Variants in FGF14 observed in about 807,000 individuals in gnomAD.
FGF14 encodes the protein fibroblast growth factor 14.
A neutral mutation model predicts 25.5 loss-of-function variants in FGF14; 5 were observed. The observed-to-expected ratio is 0.20, with a 90% confidence interval of 0.10 to 0.41. FGF14 has a LOEUF of 0.41. FGF14 is among the 10% of genes least tolerant of loss of function. The pLI, the probability that FGF14 is intolerant of heterozygous loss-of-function variation, is 1.00. For synonymous variants in FGF14, 138 were observed against 118.3 expected (o/e 1.17, Z -1.08); for missense variants, 222 against 320.1 (o/e 0.69, Z 2.34).
intron 1 of FGF14, among the ~76,000 whole-genome samples, chr13:102,193,645 T>C (rs746273929): frequency 6.6e-6 from 1 of 152,166 alleles, no homozygotes; most frequent in Non-Finnish European, 1.5e-5. Flanking sequence ...ACTAAGGAAA[T>C]GCATGTCTAG....
intron 3 of FGF14, among the ~76,000 whole-genome samples, chr13:101,839,868 G>A (rs1418690076): frequency 1.3e-5 from 2 of 152,056 alleles, no homozygotes; most frequent in Non-Finnish European, 2.9e-5. Context: ...TTCACTCCAA[G>A]GATCTTTCTG....
chr13:101,934,502 C>T (rs1004012511), intron 1 of FGF14, among the ~76,000 whole-genome samples: 11 of 152,070 alleles, frequency 7.2e-5, no homozygotes, highest in Non-Finnish European at 1.2e-4. Flanking sequence ...ATATTATTTG[C>T]CTTGATATGG....
At chr13:102,398,013 AGTGT>A (rs3067869) in intron 1 of FGF14, among the ~76,000 whole-genome samples, 37,254 of 147,082 alleles carry the variant, frequency 0.25, 4,728 homozygotes, top group African/African-American at 0.33. Flanking sequence ...GACATTTAAG[AGTGT>A]GTGTGTGTGT....
intron 1 of FGF14, among the ~76,000 whole-genome samples, chr13:102,305,808 C>G (rs1175006210): frequency 1.3e-5 from 2 of 152,040 alleles, no homozygotes; most frequent in African/African-American, 4.8e-5. Context: ...TAGGGTATAC[C>G]CAACTTATAG....
intron 1 of FGF14, among the ~76,000 whole-genome samples, chr13:102,090,644 C>T (rs2044122863): frequency 6.6e-6 from 1 of 152,188 alleles, no homozygotes; most frequent in African/African-American, 2.4e-5. Context: ...TCAAGTAGGC[C>T]ACGTCCTCTG....
At chr13:102,167,542 A>AC (rs894378855) in intron 1 of FGF14, among the ~76,000 whole-genome samples, 8 of 152,024 alleles carry the variant, frequency 5.3e-5, no homozygotes, top group African/African-American at 1.9e-4. Flanking sequence ...CTTAAAAAAA[A>AC]CCCACTGGGT....
intron 3 of FGF14, among the ~76,000 whole-genome samples, chr13:101,824,074 CAG>C (rs1484898775): frequency 2.0e-5 from 3 of 152,008 alleles, no homozygotes; most frequent in Admixed American, 1.3e-4. Flanking sequence ...AGAATTCACT[CAG>C]ATATTATTTG....
chr13:102,156,006 G>A (rs1293597015), intron 1 of FGF14, among the ~76,000 whole-genome samples: 2 of 152,130 alleles, frequency 1.3e-5, no homozygotes, highest in Non-Finnish European at 2.9e-5. Context: ...CTGAAATTGA[G>A]GTAATAATTA....
At chr13:102,213,211 C>G (rs2050231054) in intron 1 of FGF14, among the ~76,000 whole-genome samples, 1 of 152,174 alleles carries the variant, frequency 6.6e-6, no homozygotes, top group Non-Finnish European at 1.5e-5. Context: ...CTGCCGTTAC[C>G]TTTTAGAAAC....
chr13:101,970,284 T>G (rs1407119239), intron 1 of FGF14, among the ~76,000 whole-genome samples: 1 of 152,030 alleles, frequency 6.6e-6, no homozygotes, highest in Non-Finnish European at 1.5e-5. Context: ...TTCAATTTAT[T>G]CCCAGTATGG....
intron 1 of FGF14, among the ~76,000 whole-genome samples, chr13:102,176,325 C>T (rs2048447484): frequency 1.3e-5 from 2 of 152,028 alleles, no homozygotes; most frequent in African/African-American, 4.8e-5. Context: ...AAACAGAAAA[C>T]CAAATACCGT....
chr13:101,772,269 T>A (rs2038825142), intron 3 of FGF14, among the ~76,000 whole-genome samples: 1 of 152,064 alleles, frequency 6.6e-6, no homozygotes, highest in Non-Finnish European at 1.5e-5. Context: ...AACTGCACAA[T>A]CTAAAAGCCA....
intron 1 of FGF14, among the ~76,000 whole-genome samples, chr13:102,030,009 A>G (rs913531697): frequency 1.3e-5 from 2 of 152,106 alleles, no homozygotes; most frequent in African/African-American, 4.8e-5. Flanking sequence ...ACAAATACAT[A>G]AACTACGGAC....
At chr13:101,747,789 C>T (rs1314590331) in intron 3 of FGF14, among the ~76,000 whole-genome samples, 2 of 151,754 alleles carry the variant, frequency 1.3e-5, no homozygotes, top group African/African-American at 4.8e-5. Context: ...TCAGCAACAA[C>T]AAAACACCAC....
chr13:101,862,620 A>G (rs1342704020), intron 3 of FGF14, among the ~76,000 whole-genome samples: 1 of 152,170 alleles, frequency 6.6e-6, no homozygotes, highest in African/African-American at 2.4e-5. Context: ...CTAAGTAGAT[A>G]ATGGCATTCT....
At chr13:102,121,723 T>C (rs1340990935) in intron 1 of FGF14, among the ~76,000 whole-genome samples, 1 of 152,196 alleles carries the variant, frequency 6.6e-6, no homozygotes, top group Non-Finnish European at 1.5e-5. Flanking sequence ...AAGCGTGTCT[T>C]TGAAATTGAG....
chr13:101,810,018 C>G (rs1566928269), intron 3 of FGF14, among the ~76,000 whole-genome samples: 1 of 152,072 alleles, frequency 6.6e-6, no homozygotes, highest in Non-Finnish European at 1.5e-5. Context: ...CTGTGTGTTC[C>G]TATAGTATTT....
intron 1 of FGF14, among the ~76,000 whole-genome samples, chr13:102,128,420 T>A (rs1310693077): frequency 6.6e-6 from 1 of 152,166 alleles, no homozygotes. Context: ...GTCCCCGCGG[T>A]GTTACTGTTA....
intron 1 of FGF14, among the ~76,000 whole-genome samples, chr13:102,259,479 C>G (rs985137894): frequency 6.6e-6 from 1 of 152,094 alleles, no homozygotes; most frequent in African/African-American, 2.4e-5. Flanking sequence ...TTCTCCAGTC[C>G]CTGTTAGGAG....
Sources: allele counts gnomAD v4.1 joint callset (sites outside exome capture counted in the v4.1 genomes callset), GRCh38; gene constraint gnomAD v4.1.1; transcripts MANE v1.5; gene names NCBI Gene and HGNC (gene_info 2026-07-23, HGNC 2026-07-21).